TIAM2: variants seen among roughly 807,000 people sequenced by gnomAD.
TIAM2 encodes the protein TIAM Rac1 associated GEF 2, also known as rho guanine nucleotide exchange factor TIAM2.
TIAM2 carries 80 observed loss-of-function variants against 152.9 expected under a neutral mutation model. The observed-to-expected ratio is 0.52, with a 90% CI of 0.44 to 0.63. The LOEUF (loss-of-function observed/expected upper bound fraction) is 0.63. TIAM2 is among the 30% of genes least tolerant of loss of function. TIAM2 has a pLI of 0.00. For missense variants in TIAM2, 1,965 were observed against 2,120.1 expected (o/e 0.93, Z 1.44); for synonymous variants, 804 against 838.0 (o/e 0.96, Z 0.70).
At chr6:155,045,665 A>G (rs1777157959) in intron 1 of TIAM2, among the ~76,000 whole-genome samples, 2 of 152,072 alleles carry the variant, frequency 1.3e-5, no homozygotes, top group African/African-American at 4.8e-5. Flanking sequence ...TTTCCAAAGT[A>G]GGGCTGTGTG....
At chr6:155,090,772 C>T (rs1562312803) in intron 2 of TIAM2, among the ~76,000 whole-genome samples, 2 of 152,052 alleles carry the variant, frequency 1.3e-5, no homozygotes, top group Admixed American at 1.3e-4. Flanking sequence ...TGCTTGAGAA[C>T]GCAGAGAGCA....
chr6:155,211,175 C>T, intron 14 of TIAM2, 29 bp from the exon 15 acceptor site: 1 of 1,600,586 alleles, frequency 6.2e-7, no homozygotes, highest in Non-Finnish European at 8.6e-7. Context: ...TGGCCAAACT[C>T]ATATATGTTT....
chr6:155,046,112 C>T (rs1388298008), intron 1 of TIAM2, among the ~76,000 whole-genome samples: 1 of 151,900 alleles, frequency 6.6e-6, no homozygotes, highest in African/African-American at 2.4e-5. Flanking sequence ...GGAGGCTTCC[C>T]ACCTCCCGAG....
intron 9 of TIAM2, chr6:155,168,848 T>C (rs977448035): frequency 2.0e-6 from 3 of 1,535,472 alleles, no homozygotes; most frequent in African/African-American, 1.4e-5. Context: ...CTGTCAGATA[T>C]TTGATTCAAG....
In TIAM2 at chr6:155,176,993, G is replaced by C. The variant is rs899060065; in HGVS notation, c.2523+16G>C. 2 of 1,597,130 alleles carry C rather than the reference G, an allele frequency of 1.3e-6. No individual in the cohort carries two copies. The highest frequency in any genetic ancestry group is 1.7e-6 in the Non-Finnish European group (2 of 1,172,536). On this transcript the variant is annotated intron_variant, in intron 10 of 26. Transcript: ENST00000682666. Reference sequence around the variant, plus strand: ...GGCATGCAAGGTAACGGATTTTGCTGCAGAAATATATTTCTGAATAGAAAT... The same window carrying C: ...GGCATGCAAGGTAACGGATTTTGCTCCAGAAATATATTTCTGAATAGAAAT...
At chr6:155,198,835 G>A (rs1781413356) in intron 14 of TIAM2, among the ~76,000 whole-genome samples, 1 of 152,050 alleles carries the variant, frequency 6.6e-6, no homozygotes, top group Non-Finnish European at 1.5e-5. Context: ...TTGAGCCGAG[G>A]TCTCCATCAG....
Position 155,129,973 on chromosome 6 carries a change from C to T in TIAM2, c.750C>T (p.Tyr250=), listed in dbSNP as rs773195656. 2.1e-5 allele frequency: 34 copies of T among 1,613,984 alleles called. No individual in the cohort carries two copies. The highest frequency in any genetic ancestry group is 2.2e-5 in the East Asian group (1 of 44,888). Residue 250 remains tyrosine (Y), a synonymous_variant, in exon 4 of 27, where the codon TAC becomes TAT. Coordinates refer to ENST00000682666, the MANE Select transcript of TIAM2 (RefSeq NM_012454.4). The surrounding 1 kb of genome is among the most constrained non-coding windows in gnomAD (Gnocchi z 4.8). ...GSSLSSESSW[Y]DSPWGNAGEL... is the part of the protein sequence containing the mutation. ...CCCTGAGTTCTGAGTCATCCTGGTA[C>T]GACTCCCCTTGGGGCAATGCTGGAG... is the stretch of plus-strand genomic sequence containing the variant.
At chr6:155,074,638 C>G (rs577816638) in intron 1 of TIAM2, among the ~76,000 whole-genome samples, 38 of 152,168 alleles carry the variant, frequency 2.5e-4, no homozygotes, top group African/African-American at 8.7e-4. Flanking sequence ...ATGAGCCACC[C>G]CACTTAGCCT....
chr6:155,147,152 C>T (rs552141221), intron 6 of TIAM2, among the ~76,000 whole-genome samples: 1 of 146,556 alleles, frequency 6.8e-6, no homozygotes, highest in African/African-American at 2.5e-5. Context: ...TGTTTCCCCC[C>T]AATATACTTT....
chr6:155,081,915 CA>C (rs1778069900), intron 1 of TIAM2, among the ~76,000 whole-genome samples: 1 of 152,132 alleles, frequency 6.6e-6, no homozygotes, highest in Admixed American at 6.5e-5. Flanking sequence ...GCTGTTGTGC[CA>C]ATCTTCTGCC....
chr6:155,138,254 A>C (rs1286500862), intron 5 of TIAM2, among the ~76,000 whole-genome samples: 1 of 152,192 alleles, frequency 6.6e-6, no homozygotes, highest in Non-Finnish European at 1.5e-5. Flanking sequence ...CAGTAACCAA[A>C]GGTAGTTTAG....
At chr6:155,104,528 T>A (rs935346174) in intron 2 of TIAM2, among the ~76,000 whole-genome samples, 9 of 152,078 alleles carry the variant, frequency 5.9e-5, no homozygotes, top group South Asian at 2.1e-4. Flanking sequence ...GAGGCCAAGG[T>A]GGGCAGATCA....
chr6:155,151,419 A>G (rs1000457458), intron 7 of TIAM2, among the ~76,000 whole-genome samples: 1 of 152,222 alleles, frequency 6.6e-6, no homozygotes, highest in Non-Finnish European at 1.5e-5. Context: ...CTATACCCAT[A>G]AATTGCACTC....
At chr6:155,082,923 A>T (rs1778098712) in intron 1 of TIAM2, among the ~76,000 whole-genome samples, 1 of 151,038 alleles carries the variant, frequency 6.6e-6, no homozygotes, top group Admixed American at 6.6e-5. Context: ...ACTTTTTAAC[A>T]CTCCCTCCCC....
intron 1 of TIAM2, among the ~76,000 whole-genome samples, chr6:155,074,720 G>A (rs985787130): frequency 6.6e-6 from 1 of 151,966 alleles, no homozygotes; most frequent in Non-Finnish European, 1.5e-5. Flanking sequence ...TGTTTATTAC[G>A]TTCTTTCTAA....
Position 155,025,491 on chromosome 6 carries a change from A to AT in TIAM2, c.-209+30006dup, listed in dbSNP as rs955382285. 5.9e-5 allele frequency among the ~76,000 whole-genome samples: 9 copies of AT among 151,460 alleles called. 1 individual carries two copies. The highest frequency in any genetic ancestry group is 3.9e-4 in the Admixed American group (6 of 15,190). On this transcript the variant is annotated intron_variant, in intron 1 of 26. Coordinates refer to ENST00000682666, the MANE Select transcript of TIAM2 (RefSeq NM_012454.4). ...CCACCGCGCCCGGCCTAATTTTTGTATTTTTTTAGTAGAGTTGGGGTTTCA... is the reference window on the plus strand; with the variant it reads ...CCACCGCGCCCGGCCTAATTTTTGTATTTTTTTTAGTAGAGTTGGGGTTTCA...
chr6:155,251,562 C>T (rs776313303), intron 22 of TIAM2, among the ~76,000 whole-genome samples: 21 of 152,202 alleles, frequency 1.4e-4, no homozygotes, highest in Non-Finnish European at 2.6e-4. Flanking sequence ...GCTGGGATTA[C>T]AGGCATTAGC....
intron 2 of TIAM2, among the ~76,000 whole-genome samples, chr6:155,121,739 C>T (rs1360112003): frequency 2.6e-5 from 4 of 152,190 alleles, no homozygotes; most frequent in African/African-American, 9.7e-5. Context: ...TCTGGAGCGA[C>T]GTGAAGCCTG....
At chr6:155,051,608 A>AT (rs1443334664) in intron 1 of TIAM2, among the ~76,000 whole-genome samples, 1 of 151,640 alleles carries the variant, frequency 6.6e-6, no homozygotes, top group Non-Finnish European at 1.5e-5. Context: ...CTTGCAAGAT[A>AT]TTTTTGGCAT....
Sources: gnomAD v4.1 joint callset for allele counts (sites outside exome capture counted in the v4.1 genomes callset) on GRCh38, gnomAD v4.1.1 for gene constraint, Gnocchi (gnomAD v3.1) non-coding constraint, MANE v1.5 for transcripts, NCBI Gene and HGNC (gene_info 2026-07-23, HGNC 2026-07-21) for gene names.